The following RNF128 variants were observed in gnomAD, a reference collection of about 807,000 sequenced individuals.
The protein encoded by RNF128 is E3 ubiquitin-protein ligase RNF128.
A neutral mutation model predicts 26.2 loss-of-function variants in RNF128; 13 were observed. That is an observed-to-expected ratio of 0.50 (90% CI 0.32 to 0.79). The LOEUF is 0.79. Among genes scored for constraint, RNF128 ranks in the 30% least tolerant of loss-of-function variants. The probability of loss-of-function intolerance (pLI) is 0.03; values close to 1 mark genes in which losing one functional copy is unlikely to be tolerated. For synonymous variants in RNF128, 149 were observed against 142.5 expected (o/e 1.05, Z -0.32); for missense variants, 315 against 349.7 (o/e 0.90, Z 0.79).
At chrX:106,740,162 C>G (rs1446257973) in intron 1 of RNF128, among the ~76,000 whole-genome samples, 1 of 111,861 alleles carries the variant, frequency 8.9e-6, no homozygotes, top group Non-Finnish European at 1.9e-5. Context: ...GCAGCATGCT[C>G]AAAACAATGA....
At chrX:106,728,361 CT>C (rs1363414811) in intron 1 of RNF128, among the ~76,000 whole-genome samples, 2 of 112,080 alleles carry the variant, frequency 1.8e-5, no homozygotes, top group Non-Finnish European at 3.8e-5. Flanking sequence ...GTCCTGTGAC[CT>C]TGGGCAACTT....
Position 106,716,925 on chromosome X carries a change from G to A in RNF128, c.406+22517G>A, listed in dbSNP as rs1294352793. 5.4e-5 allele frequency among the ~76,000 whole-genome samples: 6 copies of A among 111,367 alleles called. No homozygotes were observed. The East Asian group carries it at 1.4e-3, about 26-fold the overall frequency. ...CAGGTTAAGAAATTTATATATTGCC[G>A]GTCACGGTGGCTCATGCTTGTAATC... On this transcript the variant is annotated intron_variant, in intron 1 of 6. Coordinates refer to the RNF128 transcript ENST00000324342.
In RNF128 at chrX:106,791,086, A is replaced by C; in HGVS notation, c.1005A>C (p.Ser335=). Residue 335 remains serine, a synonymous_variant, in exon 6 of 7, where the codon TCA becomes TCC. Transcript: ENST00000255499. The part of the protein sequence containing the change: ...LGIEVDVEDG[S]VSLQVPVSNE... ...TAAAGGTGGATGTTGAAGATGGATC[A>C]GTGTCTTTACAAGTCCCTGTATCCA... 1 of 1,207,293 alleles carries C rather than the reference A, an allele frequency of 8.3e-7. No individual in the cohort carries two copies. The highest frequency in any genetic ancestry group is 1.1e-6 in the Non-Finnish European group (1 of 892,452).
intron 1 of RNF128, among the ~76,000 whole-genome samples, chrX:106,704,336 G>C (rs764521358): frequency 8.3e-5 from 9 of 108,532 alleles, no homozygotes; most frequent in African/African-American, 3.0e-4. Context: ...GGGAGGCTGA[G>C]GTAGGAGAAT....
intron 1 of RNF128, among the ~76,000 whole-genome samples, chrX:106,763,752 C>T (rs550271161): frequency 5.4e-5 from 6 of 111,280 alleles, no homozygotes; most frequent in South Asian, 7.6e-4. Context: ...ATGATCCGCC[C>T]GCCTCCTCGG....
At chrX:106,733,461 T>C (rs748807369) in intron 1 of RNF128, among the ~76,000 whole-genome samples, 4 of 111,803 alleles carry the variant, frequency 3.6e-5, no homozygotes, top group East Asian at 5.6e-4. Flanking sequence ...TTAACTGTTA[T>C]AGAAAACTTG....
chrX:106,746,492 G>A (rs1929797544), intron 1 of RNF128, among the ~76,000 whole-genome samples: 1 of 111,517 alleles, frequency 9.0e-6, no homozygotes, highest in South Asian at 3.7e-4. Context: ...TTACAAATAA[G>A]ATTAGACAAA....
In RNF128 at chrX:106,752,489, G is replaced by A. The variant is rs1602378824; in HGVS notation, c.485-20424G>A. 3.5e-5 allele frequency among the ~76,000 whole-genome samples: 4 copies of A among 112,841 alleles called. No individual in the cohort carries two copies. The Admixed American group carries it at 3.7e-4, about 11-fold the overall frequency. Reference sequence around the variant, plus strand: ...TCTGCAAGAGCCACAGCGTTACTGGGCTTGGGGTGCCCCCTAATGCATATA... The same window carrying A: ...TCTGCAAGAGCCACAGCGTTACTGGACTTGGGGTGCCCCCTAATGCATATA... On this transcript the variant is annotated intron_variant, in intron 1 of 6. Coordinates refer to ENST00000255499, the MANE Select transcript of RNF128 (RefSeq NM_194463.2).
intron 2 of RNF128, 28 bp downstream of exon 2, chrX:106,773,188 TA>T (rs770285263): frequency 2.0e-5 from 23 of 1,174,670 alleles, no homozygotes; most frequent in South Asian, 1.3e-4. Context: ...CTTCCACTAT[TA>T]AAAAAAATTT....
chrX:106,695,552 C>T (rs948155877), intron 1 of RNF128, among the ~76,000 whole-genome samples: 4 of 111,680 alleles, frequency 3.6e-5, no homozygotes, highest in African/African-American at 9.7e-5. Flanking sequence ...AACAAAACTC[C>T]ATGTGCTACC....
At chrX:106,715,229 A>T (rs1009691738) in intron 1 of RNF128, among the ~76,000 whole-genome samples, 46 of 111,822 alleles carry the variant, frequency 4.1e-4, no homozygotes, top group Admixed American at 1.2e-3. Flanking sequence ...TATTTTTTTT[A>T]ATTTTAGCCA....
chrX:106,730,525 A>G (rs955775404), intron 1 of RNF128, among the ~76,000 whole-genome samples: 1 of 112,134 alleles, frequency 8.9e-6, no homozygotes, highest in African/African-American at 3.2e-5. Flanking sequence ...AAAATGTAAG[A>G]TTGTCACGAG....
intron 1 of RNF128, among the ~76,000 whole-genome samples, chrX:106,752,672 C>CT (rs1929917250): frequency 9.0e-6 from 1 of 111,563 alleles, no homozygotes; most frequent in Admixed American, 9.5e-5. Flanking sequence ...CACAAGCATC[C>CT]AGATCATCCA....
At chrX:106,695,213 T>C (rs946511037) in intron 1 of RNF128, among the ~76,000 whole-genome samples, 15 of 110,664 alleles carry the variant, frequency 1.4e-4, no homozygotes, top group African/African-American at 4.3e-4. Context: ...TATGTGTGTT[T>C]TTATCAGACT....
intron 1 of RNF128, among the ~76,000 whole-genome samples, chrX:106,736,719 G>C (rs1407068169): frequency 8.9e-6 from 1 of 111,862 alleles, no homozygotes; most frequent in East Asian, 2.8e-4. Flanking sequence ...AGATATTGCA[G>C]TGATACTGCT....
At chrX:106,721,363 T>C (rs1929308053) in intron 1 of RNF128, among the ~76,000 whole-genome samples, 1 of 111,901 alleles carries the variant, frequency 8.9e-6, no homozygotes, top group Admixed American at 9.5e-5. Context: ...CAGTGTCTCA[T>C]TCCTTGCAAA....
chrX:106,765,581 A>G (rs1213071696), intron 1 of RNF128, among the ~76,000 whole-genome samples: 1 of 112,035 alleles, frequency 8.9e-6, no homozygotes, highest in Non-Finnish European at 1.9e-5. Context: ...CTCCAGACCC[A>G]TAAGGGATAT....
chrX:106,726,553 G>C, upstream of RNF128: 9 of 613,522 alleles, frequency 1.5e-5, no homozygotes, highest in Non-Finnish European at 1.8e-5. Context: ...TAGCCACACA[G>C]CCTCAGATCC....
At chrX:106,753,005 T>C (rs886596358) in intron 1 of RNF128, among the ~76,000 whole-genome samples, 1 of 111,021 alleles carries the variant, frequency 9.0e-6, no homozygotes, top group Non-Finnish European at 1.9e-5. Flanking sequence ...TGTTTGAAAA[T>C]ACACAGTCAG....
Sources: gnomAD v4.1 joint callset for allele counts (sites outside exome capture counted in the v4.1 genomes callset) on GRCh38, gnomAD v4.1.1 for gene constraint, MANE v1.5 for transcripts, NCBI Gene and HGNC (gene_info 2026-07-23, HGNC 2026-07-21) for gene names.